The following CACNA1E variants were observed in gnomAD, a reference collection of about 807,000 sequenced individuals.
The protein encoded by CACNA1E is voltage-dependent R-type calcium channel subunit alpha-1E.
Under a neutral mutation model 259.2 loss-of-function variants are expected in CACNA1E, and 40 were observed. That is an observed-to-expected ratio of 0.15 (90% confidence interval 0.12 to 0.20). The LOEUF (loss-of-function observed/expected upper bound fraction) is 0.20. CACNA1E is among the 10% of genes least tolerant of loss of function. The pLI is 1.00. For missense variants in CACNA1E, 1,874 were observed against 3,040.1 expected, an observed-to-expected ratio of 0.62 and a Z score of 9.02; for synonymous variants, 1,104 against 1,138.5, an observed-to-expected ratio of 0.97 and a Z score of 0.61.
rs537126436 is a variant in CACNA1E at position 181,717,384 on chromosome 1, A to C, written c.1525+82A>C. On this transcript the variant is annotated intron_variant, in intron 11 of 47. Coordinates refer to ENST00000367573, the MANE Select transcript of CACNA1E (RefSeq NM_001205293.3). ...ATGTGTGTGTGAACGCAAGACAGCA[A>C]AGCACCCTGCTAGGAAAGGTTCTAC... 358 of 1,138,922 alleles carry C rather than the reference A, an allele frequency of 3.1e-4. 5 individuals carry two copies. In the South Asian group the frequency reaches 4.4e-3, roughly 14 times the overall value. 70.6% of individuals were successfully genotyped at this position (1,138,922 alleles called of 1,614,324 possible).
intron 11 of CACNA1E, 77 bp from the exon 12 acceptor site, chr1:181,717,978 T>C (rs1654060860): frequency 1.4e-6 from 1 of 702,998 alleles, no homozygotes; most frequent in Non-Finnish European, 2.6e-6. Context: ...AGATCCTCTG[T>C]AGGTGGGTGT....
At chr1:181,573,111 T>C (rs1650582888) in intron 3 of CACNA1E, among the ~76,000 whole-genome samples, 1 of 152,192 alleles carries the variant, frequency 6.6e-6, no homozygotes, top group South Asian at 2.1e-4. Context: ...AGCAATTTAA[T>C]TTTTTCTGAG....
intron 25 of CACNA1E, among the ~76,000 whole-genome samples, chr1:181,748,249 T>A (rs1427257126): frequency 6.6e-6 from 1 of 152,168 alleles, no homozygotes; most frequent in Non-Finnish European, 1.5e-5. Context: ...GCTGTTAAGA[T>A]TAGAGTGTAC....
At chr1:181,434,764 G>C (rs1054025069) in intron 2 of CACNA1E, among the ~76,000 whole-genome samples, 7 of 152,202 alleles carry the variant, frequency 4.6e-5, no homozygotes, top group Admixed American at 3.3e-4. Flanking sequence ...GGAGCCACCT[G>C]GTCAGGGAAC....
chr1:181,459,789 A>AC (rs1032903809), intron 2 of CACNA1E, among the ~76,000 whole-genome samples: 1 of 152,060 alleles, frequency 6.6e-6, no homozygotes, highest in African/African-American at 2.4e-5. Context: ...CCCTATTGAC[A>AC]CCAACTCACG....
At chr1:181,743,918 G>A (rs1315536251) in intron 25 of CACNA1E, among the ~76,000 whole-genome samples, 1 of 152,230 alleles carries the variant, frequency 6.6e-6, no homozygotes, top group African/African-American at 2.4e-5. Flanking sequence ...AATTTACCAT[G>A]GCCCGTGCAT....
At chr1:181,568,481 A>G (rs573718923) in intron 3 of CACNA1E, among the ~76,000 whole-genome samples, 1 of 152,286 alleles carries the variant, frequency 6.6e-6, no homozygotes, top group African/African-American at 2.4e-5. Flanking sequence ...TCCATTGCCA[A>G]ATTTAAGCCT....
chr1:181,451,713 T>G (rs1281583052), intron 2 of CACNA1E, among the ~76,000 whole-genome samples: 5 of 151,922 alleles, frequency 3.3e-5, no homozygotes, highest in African/African-American at 7.3e-5. Context: ...AAAAATAAAG[T>G]CATAGCTAGC....
intron 7 of CACNA1E, among the ~76,000 whole-genome samples, chr1:181,710,022 C>G (rs775038010): frequency 5.9e-5 from 9 of 152,320 alleles, no homozygotes; most frequent in Middle Eastern, 3.4e-3. Flanking sequence ...CTCCTCTTCT[C>G]TATCAGGGAG....
chr1:181,434,389 G>T (rs1487149503), intron 2 of CACNA1E, among the ~76,000 whole-genome samples: 1 of 110,370 alleles, frequency 9.1e-6, no homozygotes. Flanking sequence ...ACTTACTACT[G>T]GCCAATTTTT....
At chr1:181,644,625 T>C (rs545420701) in intron 6 of CACNA1E, among the ~76,000 whole-genome samples, 1 of 152,274 alleles carries the variant, frequency 6.6e-6, no homozygotes, top group South Asian at 2.1e-4. Context: ...CCTGATAGAA[T>C]GCCTTAAATC....
chr1:181,534,183 A>C (rs1667981514), intron 3 of CACNA1E, among the ~76,000 whole-genome samples: 1 of 152,072 alleles, frequency 6.6e-6, no homozygotes, highest in African/African-American at 2.4e-5. Flanking sequence ...TATGGTGAAT[A>C]CTCTTTATAA....
rs1232727337 is a variant in CACNA1E at position 181,763,545 on chromosome 1, G to A, written c.4815+14G>A. The A allele has an allele frequency of 1.3e-6, 2 of 1,544,102 alleles. No homozygotes were observed. Among genetic ancestry groups the A allele is most frequent in the Non-Finnish European group, 1.8e-6 (2 of 1,132,216 alleles). Reference sequence around the variant, plus strand: ...CAGTCCTTTAAGGTAAGAGGTACCAGCAAATCCTCTCTGAGGGTTGTCATA... The same window carrying A: ...CAGTCCTTTAAGGTAAGAGGTACCAACAAATCCTCTCTGAGGGTTGTCATA... On this transcript the variant is annotated intron_variant, in intron 34 of 47. Coordinates refer to ENST00000367573, the MANE Select transcript of CACNA1E (RefSeq NM_001205293.3).
intron 1 of CACNA1E, among the ~76,000 whole-genome samples, chr1:181,397,517 T>A (rs2102065512): frequency 6.6e-6 from 1 of 152,244 alleles, no homozygotes; most frequent in Non-Finnish European, 1.5e-5. Flanking sequence ...GCCAGGCTGG[T>A]CTCGAACTGG....
intron 3 of CACNA1E, among the ~76,000 whole-genome samples, chr1:181,567,799 G>A (rs190258608): frequency 1.2e-4 from 18 of 152,278 alleles, no homozygotes; most frequent in Admixed American, 3.3e-4. Context: ...TTAAACTGTG[G>A]ATCAGCTCCT....
At chr1:181,654,841 G>A (rs531570022) in intron 7 of CACNA1E, among the ~76,000 whole-genome samples, 33 of 152,014 alleles carry the variant, frequency 2.2e-4, no homozygotes, top group Non-Finnish European at 3.5e-4. Flanking sequence ...AAAATTAGCC[G>A]GGCGAGGTGG....
intron 6 of CACNA1E, among the ~76,000 whole-genome samples, chr1:181,639,245 G>GCT (rs1324148790): frequency 6.6e-6 from 1 of 152,066 alleles, no homozygotes; most frequent in East Asian, 1.9e-4. Context: ...CTGCCACCAT[G>GCT]CCCGGCTAAT....
intron 3 of CACNA1E, among the ~76,000 whole-genome samples, chr1:181,547,164 T>C (rs1248733966): frequency 6.6e-6 from 1 of 152,166 alleles, no homozygotes; most frequent in African/African-American, 2.4e-5. Context: ...CTCTGCCCTG[T>C]TCTCTGTGGC....
intron 2 of CACNA1E, among the ~76,000 whole-genome samples, chr1:181,466,534 C>T (rs925166191): frequency 2.9e-5 from 4 of 138,176 alleles, no homozygotes; most frequent in Non-Finnish European, 6.2e-5. Context: ...GGTGAAAGAG[C>T]GAGACTCTGT....
Sources: allele counts gnomAD v4.1 joint callset (sites outside exome capture counted in the v4.1 genomes callset), GRCh38; gene constraint gnomAD v4.1.1; transcripts MANE v1.5; gene names NCBI Gene and HGNC (gene_info 2026-07-23, HGNC 2026-07-21).